Variants in CDKN2C observed in about 807,000 individuals in gnomAD.
CDKN2C encodes the protein cyclin dependent kinase inhibitor 2C.
CDKN2C carries 5 observed loss-of-function variants against 11.0 expected under a neutral mutation model. The ratio of observed to expected loss-of-function variants is 0.45; its 90% confidence interval spans 0.24 to 0.95. The LOEUF is 0.95. Among genes scored for constraint, CDKN2C ranks in the 40% least tolerant of loss-of-function variants. CDKN2C has a pLI of 0.21. For synonymous variants in CDKN2C, 79 were observed against 88.3 expected (o/e 0.89, Z 0.59); for missense variants, 161 against 211.9 (o/e 0.76, Z 1.49).
At chr1:50,970,234 A>C, upstream of CDKN2C, 1 of 1,061,292 alleles carries the variant, frequency 9.4e-7, no homozygotes, top group Non-Finnish European at 1.4e-6. Flanking sequence ...TTTACTACCA[A>C]GCTCTACTCC....
Position 50,974,105 on chromosome 1 carries a change from C to T in CDKN2C, c.342C>T (p.Gly114=), listed in dbSNP as rs1043141. 0.078 allele frequency: 126,693 copies of T among 1,614,104 alleles called. 5,436 individuals carry two copies. Among genetic ancestry groups the T allele is most frequent in the Non-Finnish European group, 0.088 (104,395 of 1,179,992 alleles). The change falls in exon 2 of 2, where the codon GGC becomes GGT. Residue 114 remains glycine, a synonymous_variant. Coordinates refer to ENST00000371761, the MANE Select transcript of CDKN2C (RefSeq NM_078626.3). The part of the protein sequence containing the change: ...NLPLHLAAKE[G]HLRVVEFLVK... ...CCTTGCACTTGGCTGCCAAAGAAGG[C>T]CACCTCCGGGTGGTGGAGTTCCTGG...
upstream of CDKN2C, chr1:50,969,928 A>C: frequency 1.3e-5 from 3 of 231,108 alleles, no homozygotes; most frequent in African/African-American, 2.3e-5. This position sits in a 1 kb window ranked among gnomAD's most constrained non-coding sequence, Gnocchi z 6.6. Context: ...TTCCCCCTGA[A>C]TGTCTTTCCT....
upstream of CDKN2C, chr1:50,969,004 A>G (rs1447184596): frequency 6.5e-6 from 1 of 153,578 alleles, no homozygotes; most frequent in Admixed American, 6.5e-5. This position sits in a 1 kb window ranked among gnomAD's most constrained non-coding sequence, Gnocchi z 6.6. Flanking sequence ...CGGTGCGGCC[A>G]AGGAGGAAGC....
At chr1:50,966,087 C>CTT (rs200248880), upstream of CDKN2C, among the ~76,000 whole-genome samples, 11 of 134,948 alleles carry the variant, frequency 8.2e-5, no homozygotes, top group East Asian at 4.5e-4. Context: ...TTCTATGTCT[C>CTT]TTTTTTTTTT....
chr1:50,971,955 A>G (rs1231221523), intron 1 of CDKN2C, among the ~76,000 whole-genome samples: 2 of 152,200 alleles, frequency 1.3e-5, no homozygotes, highest in Non-Finnish European at 2.9e-5. Flanking sequence ...TTCAATATGT[A>G]TAATCCTGAC....
chr1:50,961,014 T>TTTTATTTATTTATTTA (rs139937761), intron 1 of CDKN2C, among the ~76,000 whole-genome samples: 79 of 149,590 alleles, frequency 5.3e-4, no homozygotes, highest in African/African-American at 1.7e-3. Flanking sequence ...GTCAGTCTAT[T>TTTTATTTATTTATTTA]TTTATTTATT....
At chr1:50,972,521 C>T (rs1645386181) in intron 1 of CDKN2C, among the ~76,000 whole-genome samples, 1 of 151,902 alleles carries the variant, frequency 6.6e-6, no homozygotes, top group Non-Finnish European at 1.5e-5. Context: ...ATTTCATAAA[C>T]ATTGAGTGTC....
At chr1:50,966,130 C>A (rs900266788), upstream of CDKN2C, among the ~76,000 whole-genome samples, 5 of 151,468 alleles carry the variant, frequency 3.3e-5, no homozygotes, top group African/African-American at 1.2e-4. Context: ...CCACTGCCTC[C>A]CAGGTTCAAG....
At chr1:50,970,527 G>C (rs751868742) in intron 1 of CDKN2C, 30 bp downstream of exon 1, 1 of 1,613,432 alleles carries the variant, frequency 6.2e-7, no homozygotes, top group Non-Finnish European at 8.5e-7. Flanking sequence ...GGGAAAACAA[G>C]TCAATAATGT....
chr1:50,962,135 C>T (rs1209342529), intron 1 of CDKN2C, among the ~76,000 whole-genome samples: 6 of 152,214 alleles, frequency 3.9e-5, no homozygotes, highest in Non-Finnish European at 8.8e-5. Flanking sequence ...AATCCCAACA[C>T]TTTGGGAGGC....
upstream of CDKN2C, chr1:50,968,382 A>AAAGAC (rs1399238798): frequency 6.6e-6 from 1 of 152,416 alleles, no homozygotes; most frequent in Admixed American, 6.5e-5. Flanking sequence ...AACCGTCTTA[A>AAAGAC]ATAACAAACC....
At chr1:50,972,021 T>C (rs895361655) in intron 1 of CDKN2C, among the ~76,000 whole-genome samples, 8 of 152,160 alleles carry the variant, frequency 5.3e-5, no homozygotes, top group Non-Finnish European at 1.0e-4. Context: ...TTTCCAATAT[T>C]GCTATTATTT....
Position 50,974,174 on chromosome 1 carries a change from G to A in CDKN2C, c.411G>A (p.Gly137=), listed in dbSNP as rs2147958612. 4 of 1,613,598 alleles carry A rather than the reference G, an allele frequency of 2.5e-6. No individual in the cohort carries two copies. Among genetic ancestry groups the A allele is most frequent in the Non-Finnish European group, 3.4e-6 (4 of 1,179,566 alleles). The change falls in exon 2 of 2, where the codon GGG becomes GGA. Residue 137 remains glycine (G), a synonymous_variant. Transcript: ENST00000371761. ...ASNVGHRNHK[G]DTACDLARLY... ...ATGTGGGGCATCGGAACCATAAGGG[G>A]GACACCGCCTGTGATTTGGCCAGGC...
chr1:50,970,545 G>T (rs746359852), intron 1 of CDKN2C, 48 bp downstream of exon 1: 1 of 1,606,854 alleles, frequency 6.2e-7, no homozygotes, highest in East Asian at 2.2e-5. Context: ...TGTTGCCTAC[G>T]TGACCCGGGT....
At chr1:50,964,571 G>A (rs1370365894) in intron 1 of CDKN2C, among the ~76,000 whole-genome samples, 2 of 152,168 alleles carry the variant, frequency 1.3e-5, no homozygotes, top group Non-Finnish European at 2.9e-5. Flanking sequence ...GTGATTTAGT[G>A]TTGTTTAGGA....
upstream of CDKN2C, among the ~76,000 whole-genome samples, chr1:50,966,087 CT>C (rs200248880): frequency 0.012 from 1,678 of 134,934 alleles, 37 homozygotes; most frequent in African/African-American, 0.04. Flanking sequence ...TTCTATGTCT[CT>C]TTTTTTTTTT....
upstream of CDKN2C, among the ~76,000 whole-genome samples, chr1:50,966,809 A>G (rs557563208): frequency 6.6e-6 from 1 of 151,542 alleles, no homozygotes; most frequent in South Asian, 2.1e-4. Context: ...CCATCATGGG[A>G]AAAAAATCAG....
chr1:50,972,774 A>C (rs1232634410), intron 1 of CDKN2C, among the ~76,000 whole-genome samples: 1 of 152,162 alleles, frequency 6.6e-6, no homozygotes, highest in Non-Finnish European at 1.5e-5. Context: ...TTGTATGTTG[A>C]TAGCAAGTGT....
At position 50,973,749 on chromosome 1, in the gene CDKN2C, C is replaced by T. The variant is rs1283014545; in HGVS notation, c.130-144C>T. 2.2e-5 allele frequency: 21 copies of T among 940,304 alleles called. No individual in the cohort carries two copies. In the Admixed American group the frequency reaches 3.4e-4, roughly 15 times the overall value. 58.2% of individuals were successfully genotyped at this position (940,304 alleles called of 1,614,324 possible). On this transcript the variant is annotated intron_variant, in intron 1 of 1. Transcript: ENST00000371761. Reference sequence around the variant, plus strand: ...CTACTAGCACTTTTCTGCATTTGACCCCTTCAAGCCCCATCCTATGGGTCT... The same window carrying T: ...CTACTAGCACTTTTCTGCATTTGACTCCTTCAAGCCCCATCCTATGGGTCT...
Sources: gnomAD v4.1 joint callset for allele counts (sites outside exome capture counted in the v4.1 genomes callset) on GRCh38, gnomAD v4.1.1 for gene constraint, Gnocchi (gnomAD v3.1) non-coding constraint, MANE v1.5 for transcripts, NCBI Gene and HGNC (gene_info 2026-07-23, HGNC 2026-07-21) for gene names.